DTNA: variants seen among roughly 807,000 people sequenced by gnomAD.
DTNA encodes dystrobrevin alpha, also known as dystrophin-related protein 3.
Under a neutral mutation model 100.7 loss-of-function variants are expected in DTNA, and 43 were observed. The ratio of observed to expected loss-of-function variants is 0.43; its 90% confidence interval spans 0.33 to 0.55. The LOEUF (loss-of-function observed/expected upper bound fraction) is 0.55, where lower values mean the gene tolerates loss of function less well. Ranked by LOEUF, DTNA falls within the 20% of genes least tolerant of loss-of-function variation. The probability of loss-of-function intolerance (pLI) is 0.04; values close to 1 mark genes in which losing one functional copy is unlikely to be tolerated. For missense variants in DTNA, 798 were observed against 953.9 expected, an observed-to-expected ratio of 0.84 and a Z score of 2.15; for synonymous variants, 349 against 347.9, an observed-to-expected ratio of 1.00 and a Z score of -0.04.
chr18:34,642,782 C>T (rs973265061), intron 1 of DTNA, among the ~76,000 whole-genome samples: 3 of 152,102 alleles, frequency 2.0e-5, no homozygotes, highest in Non-Finnish European at 4.4e-5. Flanking sequence ...GGGTCTCGAT[C>T]TCTTGACCTC....
At chr18:34,638,649 C>T (rs1245177209) in intron 1 of DTNA, among the ~76,000 whole-genome samples, 2 of 152,198 alleles carry the variant, frequency 1.3e-5, no homozygotes, top group Non-Finnish European at 2.9e-5. Context: ...TGGGAACATG[C>T]TACCATCACC....
At chr18:34,680,811 C>T (rs970164963) in intron 1 of DTNA, among the ~76,000 whole-genome samples, 1 of 152,032 alleles carries the variant, frequency 6.6e-6, no homozygotes, top group Non-Finnish European at 1.5e-5. Flanking sequence ...AAATGAAAAA[C>T]TTATTTTCTG....
intron 17 of DTNA, among the ~76,000 whole-genome samples, chr18:34,864,967 G>A (rs939763551): frequency 8.5e-5 from 13 of 152,158 alleles, no homozygotes; most frequent in African/African-American, 2.9e-4. Context: ...ACATTAAATT[G>A]CATTTAAAGT....
At chr18:34,509,918 A>G (rs2040865633) in intron 1 of DTNA, among the ~76,000 whole-genome samples, 2 of 152,032 alleles carry the variant, frequency 1.3e-5, no homozygotes, top group Non-Finnish European at 2.9e-5. Context: ...GACAAGGAGG[A>G]AAAACAACTG....
chr18:34,551,162 GAA>G (rs982755518), intron 1 of DTNA, among the ~76,000 whole-genome samples: 2 of 152,146 alleles, frequency 1.3e-5, no homozygotes, highest in African/African-American at 4.8e-5. Flanking sequence ...ACCATAAAGA[GAA>G]AAGAGTTTTG....
chr18:34,497,881 CTA>C (rs1210477929), intron 1 of DTNA, among the ~76,000 whole-genome samples: 2 of 152,096 alleles, frequency 1.3e-5, no homozygotes, highest in African/African-American at 4.8e-5. Flanking sequence ...CCATTTGAAA[CTA>C]TTAAAATTTT....
rs550415016 is a variant in DTNA at position 34,595,365 on chromosome 18, G to GT, written c.-2+101859dup. On this transcript the variant is annotated intron_variant, in intron 1 of 19. Coordinates refer to the DTNA transcript ENST00000283365. ...TTAGGCTTACCAGTGTGGGATTTGG[G>GT]TTTTTTTTCAGTGTGTCAAAAAAAA... Among the ~76,000 whole-genome samples the GT allele has an allele frequency of 3.3e-5, 5 of 151,072 alleles. No homozygotes were observed. In the East Asian group the frequency reaches 7.8e-4, roughly 24 times the overall value.
intron 1 of DTNA, among the ~76,000 whole-genome samples, chr18:34,730,130 G>C (rs1235625771): frequency 6.6e-6 from 1 of 152,180 alleles, no homozygotes. Context: ...CTTGAAGCCT[G>C]TCTGCAGCAC....
At chr18:34,766,860 C>T (rs939066764) in intron 3 of DTNA, among the ~76,000 whole-genome samples, 1 of 151,754 alleles carries the variant, frequency 6.6e-6, no homozygotes, top group Non-Finnish European at 1.5e-5. Context: ...CATTTGTTTA[C>T]ATGAGACAAA....
At chr18:34,615,098 G>A (rs143035752) in intron 1 of DTNA, among the ~76,000 whole-genome samples, 2 of 152,342 alleles carry the variant, frequency 1.3e-5, no homozygotes, top group African/African-American at 4.8e-5. Flanking sequence ...TACAGGCTGT[G>A]CAAGCATGGT....
At chr18:34,498,456 T>TA (rs2039522321) in intron 1 of DTNA, among the ~76,000 whole-genome samples, 1 of 147,048 alleles carries the variant, frequency 6.8e-6, no homozygotes, top group East Asian at 2.0e-4. Context: ...ATAATAATAA[T>TA]AATAATAATA....
intron 1 of DTNA, among the ~76,000 whole-genome samples, chr18:34,703,392 A>G (rs1024170770): frequency 6.6e-6 from 1 of 152,208 alleles, no homozygotes; most frequent in East Asian, 1.9e-4. Flanking sequence ...TAGCTTCAGT[A>G]AAAAACGAAG....
intron 1 of DTNA, among the ~76,000 whole-genome samples, chr18:34,597,158 C>T (rs927298074): frequency 2.6e-5 from 4 of 152,050 alleles, no homozygotes; most frequent in African/African-American, 9.7e-5. Flanking sequence ...CAGCTTCATC[C>T]ATGTCCCTGC....
intron 3 of DTNA, among the ~76,000 whole-genome samples, chr18:34,792,853 TTGTC>T (rs2094808720): frequency 1.3e-5 from 2 of 152,182 alleles, no homozygotes; most frequent in Non-Finnish European, 2.9e-5. Context: ...GAATCCCTCA[TTGTC>T]TAAGAGAAAT....
At chr18:34,727,579 TGA>T (rs2087000531) in intron 1 of DTNA, among the ~76,000 whole-genome samples, 2 of 152,282 alleles carry the variant, frequency 1.3e-5, no homozygotes, top group South Asian at 4.2e-4. Context: ...TTTTTTTCTT[TGA>T]GAGAGACAGT....
intron 16 of DTNA, 21 bp from the exon 17 acceptor site, chr18:34,863,945 T>A (rs1344012808): frequency 1.9e-6 from 3 of 1,598,388 alleles, no homozygotes. Flanking sequence ...CCGCTTCTGA[T>A]GTCAGCTGCT....
intron 1 of DTNA, among the ~76,000 whole-genome samples, chr18:34,750,914 T>C (rs1043898235): frequency 1.3e-5 from 2 of 152,248 alleles, no homozygotes; most frequent in South Asian, 2.1e-4. Flanking sequence ...TGCCAAAATA[T>C]AGTTCACATT....
chr18:34,846,251 T>C (rs2096375966), intron 13 of DTNA, among the ~76,000 whole-genome samples: 1 of 152,128 alleles, frequency 6.6e-6, no homozygotes, highest in Admixed American at 6.6e-5. Context: ...GCTTACACTT[T>C]AAAATTTGAA....
chr18:34,596,749 G>A lies in DTNA; in HGVS notation c.-2+103235G>A, dbSNP rs1415730593. 3.9e-5 allele frequency among the ~76,000 whole-genome samples: 6 copies of A among 152,112 alleles called. No individual in the cohort carries two copies. The East Asian group carries it at 1.2e-3, about 29-fold the overall frequency. On this transcript the variant is annotated intron_variant, in intron 1 of 19. Coordinates refer to the DTNA transcript ENST00000283365. ...ATAACTTTTCTGATTTTATTTTTTA[G>A]TTGTGACCTGATATATTCAAACTTT...
Sources: gnomAD v4.1 joint callset for allele counts (sites outside exome capture counted in the v4.1 genomes callset) on GRCh38, gnomAD v4.1.1 for gene constraint, MANE v1.5 for transcripts, NCBI Gene and HGNC (gene_info 2026-07-23, HGNC 2026-07-21) for gene names.